Variants in FAF2 observed in about 807,000 individuals in gnomAD.
FAF2 encodes Fas associated factor family member 2.
In FAF2, 9 loss-of-function variants were observed where a neutral mutation model predicts 62.3. The ratio of observed to expected loss-of-function variants is 0.14; its 90% CI spans 0.09 to 0.25. The LOEUF (loss-of-function observed/expected upper bound fraction) is 0.25, where lower values mean the gene tolerates loss of function less well. Ranked by LOEUF, FAF2 falls within the 10% of genes least tolerant of loss-of-function variation. FAF2 has a pLI of 1.00. For missense variants in FAF2, 368 were observed against 556.2 expected (o/e 0.66, Z 3.40); for synonymous variants, 202 against 198.0 (o/e 1.02, Z -0.17).
At chr5:176,476,665 C>T (rs1258386959) in intron 1 of FAF2, among the ~76,000 whole-genome samples, 2 of 130,254 alleles carry the variant, frequency 1.5e-5, no homozygotes, top group African/African-American at 5.8e-5. Flanking sequence ...TGGAGTCTCG[C>T]TCTGTCACCT....
chr5:176,471,544 G>C (rs1288333640), intron 1 of FAF2, among the ~76,000 whole-genome samples: 1 of 151,342 alleles, frequency 6.6e-6, no homozygotes, highest in Non-Finnish European at 1.5e-5. Context: ...CACCATGCCT[G>C]GCTAATTTTT....
intron 2 of FAF2, among the ~76,000 whole-genome samples, chr5:176,485,056 T>C (rs897019636): frequency 4.6e-5 from 7 of 152,198 alleles, no homozygotes; most frequent in African/African-American, 7.2e-5. Flanking sequence ...GCAGCCACAG[T>C]GCATGATAAG....
intron 10 of FAF2, among the ~76,000 whole-genome samples, chr5:176,501,687 A>G (rs1221815291): frequency 1.3e-5 from 2 of 152,218 alleles, no homozygotes; most frequent in Non-Finnish European, 2.9e-5. Flanking sequence ...GAGAGAAGCA[A>G]ATAGCTTCCT....
At chr5:176,485,520 T>C (rs1758860918) in intron 2 of FAF2, among the ~76,000 whole-genome samples, 4 of 152,108 alleles carry the variant, frequency 2.6e-5, no homozygotes, top group Admixed American at 1.3e-4. Flanking sequence ...TTGGGTAAGG[T>C]CAACTTTTTT....
chr5:176,477,054 C>T (rs1364892404), intron 1 of FAF2, among the ~76,000 whole-genome samples: 14 of 150,944 alleles, frequency 9.3e-5, no homozygotes, highest in South Asian at 4.2e-4. Context: ...GTGATCCGCC[C>T]GCCTCGGCCT....
chr5:176,468,875 A>G (rs559068876), intron 1 of FAF2, among the ~76,000 whole-genome samples: 1 of 152,128 alleles, frequency 6.6e-6, no homozygotes, highest in South Asian at 2.1e-4. Flanking sequence ...GCCCAGGAGC[A>G]GATGGTTACA....
intron 1 of FAF2, among the ~76,000 whole-genome samples, chr5:176,474,454 T>TC (rs1758625430): frequency 6.6e-6 from 1 of 152,094 alleles, no homozygotes; most frequent in Non-Finnish European, 1.5e-5. Flanking sequence ...GCACCCCCCT[T>TC]CCCCCTTTGG....
chr5:176,491,037 A>C (rs1430190494), intron 4 of FAF2, among the ~76,000 whole-genome samples: 1 of 152,204 alleles, frequency 6.6e-6, no homozygotes, highest in African/African-American at 2.4e-5. Context: ...TTCCAAGTAG[A>C]ATTGTATACA....
chr5:176,457,933 T>C (rs1296429371), intron 1 of FAF2, among the ~76,000 whole-genome samples: 2 of 152,350 alleles, frequency 1.3e-5, no homozygotes, highest in East Asian at 3.9e-4. Flanking sequence ...TCTTGTCATA[T>C]GCATTGCCAC....
intron 2 of FAF2, among the ~76,000 whole-genome samples, chr5:176,482,338 C>T (rs1426080287): frequency 6.6e-6 from 1 of 152,020 alleles, no homozygotes; most frequent in Non-Finnish European, 1.5e-5. Flanking sequence ...CTGCCTCAGC[C>T]TCCTGAGTAG....
intron 1 of FAF2, among the ~76,000 whole-genome samples, chr5:176,452,437 A>C (rs1306802553): frequency 2.0e-5 from 3 of 152,200 alleles, no homozygotes; most frequent in South Asian, 4.1e-4. Context: ...TCCTTACAGC[A>C]GTTTACAAAG....
At chr5:176,501,058 C>T (rs998532290) in intron 10 of FAF2, among the ~76,000 whole-genome samples, 1 of 151,688 alleles carries the variant, frequency 6.6e-6, no homozygotes, top group African/African-American at 2.4e-5. Context: ...ACCCGGGAGA[C>T]GGAGGTAGCA....
chr5:176,472,168 T>C (rs1758582197), intron 1 of FAF2, among the ~76,000 whole-genome samples: 2 of 151,994 alleles, frequency 1.3e-5, no homozygotes, highest in South Asian at 2.1e-4. Flanking sequence ...TCTCACTCCG[T>C]CTCCCAGGCT....
intron 7 of FAF2, among the ~76,000 whole-genome samples, chr5:176,495,735 C>T (rs1393473171): frequency 1.3e-5 from 2 of 152,034 alleles, no homozygotes; most frequent in Non-Finnish European, 1.5e-5. Context: ...TGGTCTCAAA[C>T]CCCTGACCTC....
At chr5:176,506,260 C>T (rs922582859) in intron 10 of FAF2, among the ~76,000 whole-genome samples, 7 of 146,668 alleles carry the variant, frequency 4.8e-5, no homozygotes, top group African/African-American at 1.5e-4. Context: ...ATTGGCAAAA[C>T]TTGAATAGGG....
Position 176,507,212 on chromosome 5 carries a change from C to A in FAF2, c.*262C>A. The A allele has an allele frequency of 2.5e-6, 1 of 392,848 alleles. No individual in the cohort carries two copies. Among genetic ancestry groups the A allele is most frequent in the Non-Finnish European group, 5.1e-6 (1 of 196,238 alleles). 24.3% of individuals were successfully genotyped at this position (392,848 alleles called of 1,614,324 possible). On this transcript the variant is annotated 3_prime_UTR_variant, in exon 11 of 11. Transcript: ENST00000261942. ...GGCAAGCCCACCCTTCCTGTGGCCT[C>A]TGTGCACGCACCTTCCAGTGAACAG... is the stretch of plus-strand genomic sequence containing the variant.
chr5:176,480,789 G>A (rs1359020018), intron 2 of FAF2, among the ~76,000 whole-genome samples: 2 of 145,866 alleles, frequency 1.4e-5, no homozygotes, highest in Non-Finnish European at 3.0e-5. Context: ...CATCACACAC[G>A]GGGCCTCTCG....
intron 2 of FAF2, among the ~76,000 whole-genome samples, chr5:176,485,388 A>G (rs891842903): frequency 2.6e-5 from 4 of 152,316 alleles, no homozygotes; most frequent in African/African-American, 9.6e-5. Context: ...TCTTTCTGGC[A>G]TGGCCGGCTT....
At chr5:176,503,629 C>T (rs535200680) in intron 10 of FAF2, among the ~76,000 whole-genome samples, 1 of 151,276 alleles carries the variant, frequency 6.6e-6, no homozygotes, top group East Asian at 1.9e-4. Context: ...CCAGGAGTGA[C>T]AGATTTGTAG....
Sources: gnomAD v4.1 joint callset for allele counts (sites outside exome capture counted in the v4.1 genomes callset) on GRCh38, gnomAD v4.1.1 for gene constraint, MANE v1.5 for transcripts, NCBI Gene and HGNC (gene_info 2026-07-23, HGNC 2026-07-21) for gene names.